Variants in USP24 observed in about 807,000 individuals in gnomAD.
USP24 encodes the protein ubiquitin carboxyl-terminal hydrolase 24.
Under a neutral mutation model 361.6 loss-of-function variants are expected in USP24, and 97 were observed. That is an observed-to-expected ratio of 0.27 (90% CI 0.23 to 0.32). USP24 has a LOEUF of 0.32. Among genes scored for constraint, USP24 ranks in the 10% least tolerant of loss-of-function variants. USP24 has a pLI of 1.00. For synonymous variants in USP24, 1,098 were observed against 1,124.6 expected (o/e 0.98, Z 0.47); for missense variants, 2,353 against 3,165.6 (o/e 0.74, Z 6.16).
chr1:55,125,949 G>A (rs1032213916), intron 32 of USP24, among the ~76,000 whole-genome samples, 191 bp from the exon 33 acceptor site: 4 of 152,054 alleles, frequency 2.6e-5, no homozygotes, highest in African/African-American at 9.7e-5. Flanking sequence ...TATTCTCCCT[G>A]CTTCTGCTCT....
rs1440678879 is a variant in USP24, at chr1:55,147,840, G to T, written c.1969-42C>A. ...AAAAGAAAAGTGGTAATGAGAATTT[G>T]CAGTTATTTTGCTGGTTTAATACAA... On this transcript the variant is annotated intron_variant, in intron 17 of 67. Coordinates refer to ENST00000294383, the MANE Select transcript of USP24 (RefSeq NM_015306.3). The T allele has an allele frequency of 3.1e-6, 5 of 1,598,342 alleles. No homozygotes were observed. The South Asian group carries it at 4.5e-5, about 14-fold the overall frequency.
intron 62 of USP24, among the ~76,000 whole-genome samples, chr1:55,076,266 A>G (rs1645029916): frequency 6.6e-6 from 1 of 152,238 alleles, no homozygotes; most frequent in South Asian, 2.1e-4. Flanking sequence ...GCATGGTATA[A>G]AAACTATATG....
chr1:55,133,635 T>C (rs1439935532), intron 30 of USP24, among the ~76,000 whole-genome samples: 5 of 110,096 alleles, frequency 4.5e-5, no homozygotes, highest in Non-Finnish European at 7.0e-5. Context: ...TTTCTCTCTC[T>C]CTCTTTTTTT....
At chr1:55,214,726 T>G (rs1452737172) in intron 1 of USP24, 64 bp downstream of exon 1, 1 of 1,123,108 alleles carries the variant, frequency 8.9e-7, no homozygotes, top group Non-Finnish European at 1.1e-6. Flanking sequence ...CAGCGGGGTG[T>G]GTCCCCTCCC....
At chr1:55,094,831 T>C (rs199943050) in intron 51 of USP24, among the ~76,000 whole-genome samples, 1 of 151,958 alleles carries the variant, frequency 6.6e-6, no homozygotes, top group East Asian at 1.9e-4. Flanking sequence ...AGACCTTATC[T>C]TTACAAAAAA....
chr1:55,153,328 C>T (rs1435388410), intron 16 of USP24, among the ~76,000 whole-genome samples: 1 of 152,224 alleles, frequency 6.6e-6, no homozygotes, highest in Non-Finnish European at 1.5e-5. Flanking sequence ...CCCTCTTATA[C>T]AAGTCCGTAT....
At chr1:55,069,803 A>G (rs756263079) in intron 67 of USP24, among the ~76,000 whole-genome samples, 24 of 142,062 alleles carry the variant, frequency 1.7e-4, no homozygotes, top group Admixed American at 2.3e-4. Flanking sequence ...AACCTGGGAG[A>G]AGGAGGTAGC....
intron 53 of USP24, 86 bp from the exon 54 acceptor site, chr1:55,092,212 C>A: frequency 2.4e-6 from 2 of 849,286 alleles, no homozygotes; most frequent in East Asian, 5.4e-5. Context: ...ATGATACACA[C>A]ACAATATATG....
chr1:55,193,639 G>C (rs1054240623), intron 1 of USP24, among the ~76,000 whole-genome samples: 1 of 152,178 alleles, frequency 6.6e-6, no homozygotes, highest in African/African-American at 2.4e-5. Flanking sequence ...GATAAATTCA[G>C]ATGAGAGCAA....
intron 52 of USP24, chr1:55,093,420 T>A (rs1645424809): frequency 6.4e-6 from 1 of 156,212 alleles, no homozygotes; most frequent in African/African-American, 2.4e-5. Flanking sequence ...GGCACATACT[T>A]CTTCTTTTCT....
chr1:55,206,312 C>T (rs1644702139), intron 1 of USP24, among the ~76,000 whole-genome samples: 1 of 152,082 alleles, frequency 6.6e-6, no homozygotes, highest in Admixed American at 6.5e-5. Flanking sequence ...GGTGTACATG[C>T]AAAATGCAGT....
At chr1:55,209,180 C>T (rs1414385942) in intron 1 of USP24, among the ~76,000 whole-genome samples, 1 of 152,098 alleles carries the variant, frequency 6.6e-6, no homozygotes, top group East Asian at 1.9e-4. Context: ...CGTACCTCTG[C>T]AATCTAGTAT....
chr1:55,098,614 C>T, intron 45 of USP24, 56 bp from the exon 46 acceptor site: 2 of 1,287,706 alleles, frequency 1.6e-6, no homozygotes, highest in Non-Finnish European at 2.2e-6. Flanking sequence ...TATGAGTATA[C>T]AGAATTTTAT....
intron 38 of USP24, among the ~76,000 whole-genome samples, chr1:55,112,271 T>G (rs1195348176): frequency 6.6e-6 from 1 of 152,132 alleles, no homozygotes; most frequent in Non-Finnish European, 1.5e-5. Context: ...GTCTCTATCT[T>G]CTTCAGTTCT....
At chr1:55,143,589 C>A (rs1646948235) in intron 21 of USP24, among the ~76,000 whole-genome samples, 1 of 151,912 alleles carries the variant, frequency 6.6e-6, no homozygotes, top group Non-Finnish European at 1.5e-5. Flanking sequence ...ACCCAGGAAG[C>A]CATGTCCTGA....
At chr1:55,073,965 G>C in intron 63 of USP24, 59 bp from the exon 64 acceptor site, 2 of 1,362,686 alleles carry the variant, frequency 1.5e-6, no homozygotes, top group Non-Finnish European at 2.0e-6. Flanking sequence ...ATGGCTCCAA[G>C]TGACAACAAG....
chr1:55,133,397 G>A (rs934570561), intron 30 of USP24, among the ~76,000 whole-genome samples: 5 of 152,172 alleles, frequency 3.3e-5, no homozygotes, highest in South Asian at 4.1e-4. Flanking sequence ...ATTCAAAGAG[G>A]CATCATGGGT....
chr1:55,189,660 T>C (rs573874164), intron 1 of USP24, among the ~76,000 whole-genome samples: 1 of 152,308 alleles, frequency 6.6e-6, no homozygotes, highest in East Asian at 1.9e-4. Flanking sequence ...CAATTCTGAA[T>C]GCACACTTTA....
intron 28 of USP24, among the ~76,000 whole-genome samples, chr1:55,135,406 A>G (rs563571610): frequency 1.3e-5 from 2 of 152,336 alleles, no homozygotes; most frequent in African/African-American, 4.8e-5. Flanking sequence ...ACATGACACC[A>G]CAAGTGGAAA....
Sources: allele counts gnomAD v4.1 joint callset (sites outside exome capture counted in the v4.1 genomes callset), GRCh38; gene constraint gnomAD v4.1.1; transcripts MANE v1.5; gene names NCBI Gene and HGNC (gene_info 2026-07-23, HGNC 2026-07-21).